ZKSCAN5: variants seen among roughly 807,000 people sequenced by gnomAD.
ZKSCAN5 encodes zinc finger with KRAB and SCAN domains 5.
ZKSCAN5 carries 28 observed loss-of-function variants against 60.0 expected under a neutral mutation model. That is an observed-to-expected ratio of 0.47 (90% CI 0.35 to 0.64). The LOEUF (loss-of-function observed/expected upper bound fraction) is 0.64, where lower values mean the gene tolerates loss of function less well. ZKSCAN5 is among the 30% of genes least tolerant of loss of function. The probability of loss-of-function intolerance (pLI) is 0.01; values close to 1 mark genes in which losing one functional copy is unlikely to be tolerated. For missense variants in ZKSCAN5, 881 were observed against 1,034.6 expected (o/e 0.85, Z 2.04); for synonymous variants, 361 against 371.2 (o/e 0.97, Z 0.31).
Position 99,531,972 on chromosome 7 carries a change from A to T in ZKSCAN5, c.2243A>T (p.Asp748Val). The change falls in exon 7 of 7, where the codon GAT becomes GTT. Residue 748 changes from aspartate (D) to valine (V), a missense_variant. Asp to Val is a radical substitution (Grantham distance 152, BLOSUM62 -3). Transcript: ENST00000326775. The part of the protein sequence containing the change: ...THTAEKPYQC[D>V]ICRENVGQCS... ...ACAGCAGAGAAGCCCTATCAATGTG[A>T]TATATGTAGAGAAAATGTTGGCCAG... The T allele has an allele frequency of 6.2e-7, 1 of 1,614,196 alleles. No individual in the cohort carries two copies. The highest frequency in any genetic ancestry group is 2.2e-5 in the East Asian group (1 of 44,884).
chr7:99,518,820 C>T (rs1330070364), intron 3 of ZKSCAN5, among the ~76,000 whole-genome samples: 3 of 150,892 alleles, frequency 2.0e-5, no homozygotes, highest in Admixed American at 6.6e-5. Context: ...GGACTACAGG[C>T]GCCCGCCACC....
chr7:99,520,383 A>G (rs1801478039), intron 5 of ZKSCAN5, 79 bp downstream of exon 5: 1 of 1,473,006 alleles, frequency 6.8e-7, no homozygotes. Context: ...CTCATCTTAT[A>G]ATGGCATTTA....
intron 5 of ZKSCAN5, among the ~76,000 whole-genome samples, chr7:99,520,982 G>A (rs1801512676): frequency 6.6e-6 from 1 of 152,024 alleles, no homozygotes; most frequent in Non-Finnish European, 1.5e-5. Flanking sequence ...ATCGCTTCTT[G>A]AATTTTCTGG....
chr7:99,512,646 C>T, intron 3 of ZKSCAN5, 55 bp downstream of exon 3: 1 of 1,578,508 alleles, frequency 6.3e-7, no homozygotes. Context: ...GTGCCTTGGC[C>T]ATGTGGCAGG....
intron 5 of ZKSCAN5, among the ~76,000 whole-genome samples, chr7:99,522,657 TTC>T (rs1016413374): frequency 6.6e-6 from 1 of 151,704 alleles, no homozygotes; most frequent in Non-Finnish European, 1.5e-5. Context: ...CGCCTAATTT[TTC>T]TGTTTTTAGT....
chr7:99,508,807 C>T (rs1253206055), intron 2 of ZKSCAN5, among the ~76,000 whole-genome samples: 1 of 142,706 alleles, frequency 7.0e-6, no homozygotes, highest in Non-Finnish European at 1.5e-5. Flanking sequence ...TTCTTTCTTT[C>T]TTTCTTTCTT....
At chr7:99,509,864 A>G (rs1333571297) in intron 2 of ZKSCAN5, among the ~76,000 whole-genome samples, 1 of 152,200 alleles carries the variant, frequency 6.6e-6, no homozygotes, top group Non-Finnish European at 1.5e-5. Flanking sequence ...TGGAAACAAT[A>G]AGCATTGTGT....
intron 2 of ZKSCAN5, among the ~76,000 whole-genome samples, chr7:99,511,982 C>T (rs996142579): frequency 1.1e-4 from 16 of 152,058 alleles, no homozygotes; most frequent in African/African-American, 2.4e-4. Flanking sequence ...TTAGTAGAGA[C>T]GGGGTTTCAC....
chr7:99,519,824 T>C lies in ZKSCAN5; in HGVS notation c.554-3T>C, dbSNP rs1333693365. On this transcript the variant is annotated splice_region_variant and splice_polypyrimidine_tract_variant and intron_variant, in intron 3 of 6. Coordinates refer to ENST00000326775, the MANE Select transcript of ZKSCAN5 (RefSeq NM_145102.4). ...ACTTAAACCTCTTTTTCTCCTCCCT[T>C]AGCCCTTCCTGTTCTCCAAGTTCCT... 2 of 1,613,726 alleles carry C rather than the reference T, an allele frequency of 1.2e-6. No homozygotes were observed. The highest frequency in any genetic ancestry group is 2.7e-5 in the African/African-American group (2 of 75,058).
intron 2 of ZKSCAN5, among the ~76,000 whole-genome samples, chr7:99,509,838 A>G (rs868160293): frequency 6.6e-6 from 1 of 151,936 alleles, no homozygotes; most frequent in Admixed American, 6.6e-5. Context: ...TTCCTTATCT[A>G]TATTTTTTTA....
intron 3 of ZKSCAN5, among the ~76,000 whole-genome samples, chr7:99,513,402 T>C (rs1801127610): frequency 6.6e-6 from 1 of 152,164 alleles, no homozygotes; most frequent in South Asian, 2.1e-4. Context: ...ATTGTCTTTC[T>C]TTTATTTTTG....
chr7:99,507,554 T>C (rs1017772969), intron 2 of ZKSCAN5, among the ~76,000 whole-genome samples: 1 of 148,560 alleles, frequency 6.7e-6, no homozygotes, highest in African/African-American at 2.5e-5. Flanking sequence ...TATATATATG[T>C]ATATATATGT....
At chr7:99,508,525 G>A (rs941132116) in intron 2 of ZKSCAN5, among the ~76,000 whole-genome samples, 16 of 151,974 alleles carry the variant, frequency 1.1e-4, no homozygotes, top group Non-Finnish European at 2.2e-4. Flanking sequence ...AGGCTGAGGC[G>A]GGTGGATCAT....
chr7:99,509,298 A>G (rs1800909574), intron 2 of ZKSCAN5, among the ~76,000 whole-genome samples: 2 of 152,008 alleles, frequency 1.3e-5, no homozygotes, highest in South Asian at 4.1e-4. Flanking sequence ...TAATTTTTGT[A>G]TTTTTAGTAG....
Position 99,512,551 on chromosome 7 carries a change from T to C in ZKSCAN5, c.513T>C (p.Pro171=), listed in dbSNP as rs1173192554. 2 of 1,614,128 alleles carry C rather than the reference T, an allele frequency of 1.2e-6. No homozygotes were observed. Among genetic ancestry groups the C allele is most frequent in the Admixed American group, 1.7e-5 (1 of 60,014 alleles). The change falls in exon 3 of 7, where the codon CCT becomes CCC. Residue 171 remains proline, a synonymous_variant. Coordinates refer to ENST00000326775, the MANE Select transcript of ZKSCAN5 (RefSeq NM_145102.4). ...ATCCCCTGACCGTGGACACCCAGCC[T>C]GAGCAAGCGCCACAGAAGCCTCGTC... is the stretch of plus-strand genomic sequence containing the variant. ...SPHPLTVDTQ[P]EQAPQKPRLL... is the part of the protein sequence containing the mutation.
chr7:99,505,761 A>G lies in ZKSCAN5; in HGVS notation c.-40-244A>G, dbSNP rs538322373. On this transcript the variant is annotated intron_variant, in intron 1 of 6. Transcript: ENST00000326775. ...AGGTTGGGCCTGATGTCAGATTTGT[A>G]TGGCTCTCTTTTACACTTTTAAAAT... 81 of 295,512 alleles carry G rather than the reference A, an allele frequency of 2.7e-4. 1 individual carries two copies. In the South Asian group the frequency reaches 3.2e-3, roughly 12 times the overall value. 18.3% of individuals were successfully genotyped at this position (295,512 alleles called of 1,614,324 possible). A position where few individuals can be genotyped will look rare whatever the true frequency, so the allele number is the denominator to read the frequency against.
rs775102637 is a variant in ZKSCAN5 at position 99,526,435 on chromosome 7, T to A, written c.1378+17T>A. On this transcript the variant is annotated intron_variant, in intron 6 of 6. Coordinates refer to ENST00000326775, the MANE Select transcript of ZKSCAN5 (RefSeq NM_145102.4). ...CCCAGAGATGTACGTGTGAGGAGTT[T>A]ATATCCGGGGGATAAATGGAGGCGA... 1 of 1,587,182 alleles carries A rather than the reference T, an allele frequency of 6.3e-7. No homozygotes were observed. Among genetic ancestry groups the A allele is most frequent in the Non-Finnish European group, 8.5e-7 (1 of 1,172,902 alleles).
intron 3 of ZKSCAN5, among the ~76,000 whole-genome samples, chr7:99,513,202 A>G (rs565658459): frequency 4.8e-4 from 73 of 151,870 alleles, no homozygotes; most frequent in Admixed American, 1.1e-3. Flanking sequence ...GTACTGCCAC[A>G]TTTTCTTAAT....
chr7:99,524,330 T>G (rs754391161), intron 5 of ZKSCAN5, among the ~76,000 whole-genome samples: 9 of 152,112 alleles, frequency 5.9e-5, no homozygotes, highest in Non-Finnish European at 1.3e-4. Flanking sequence ...TACCTCGACC[T>G]CCCACAGTGC....
Sources: allele counts gnomAD v4.1 joint callset (sites outside exome capture counted in the v4.1 genomes callset), GRCh38; gene constraint gnomAD v4.1.1; transcripts MANE v1.5; gene names NCBI Gene and HGNC (gene_info 2026-07-23, HGNC 2026-07-21).